Variants in ELP1 observed in about 807,000 individuals in gnomAD.
ELP1 encodes elongator acetyltransferase complex subunit 1.
A neutral mutation model predicts 183.2 loss-of-function variants in ELP1; 131 were observed. The observed-to-expected ratio is 0.72, with a 90% CI of 0.62 to 0.83. ELP1 has a LOEUF of 0.83. ELP1 is among the 40% of genes least tolerant of loss of function. The pLI is 0.00. For synonymous variants in ELP1, 555 were observed against 569.0 expected (o/e 0.98, Z 0.35); for missense variants, 1,550 against 1,594.9 (o/e 0.97, Z 0.48).
At chr9:108,926,967 A>G (rs1829842049) in intron 4 of ELP1, among the ~76,000 whole-genome samples, 1 of 152,236 alleles carries the variant, frequency 6.6e-6, no homozygotes, top group Non-Finnish European at 1.5e-5. Flanking sequence ...GGGGAAAAAC[A>G]GCAACAGAAC....
At position 108,901,497 on chromosome 9, in the gene ELP1, C is replaced by T. The variant is rs765342029; in HGVS notation, c.1942G>A (p.Asp648Asn). The change falls in exon 18 of 37, where the codon GAT becomes AAT. Residue 648 changes from aspartate to asparagine, a missense_variant. Coordinates refer to ENST00000374647, the MANE Select transcript of ELP1 (RefSeq NM_003640.5). ...TGGGTTGTCAACAATAAAAACTCAT[C>T]ATATACTGCAAATGACGTGATATTT... ...ASNITSFAVY[D>N]EFLLLTTHSH... 1 of 1,614,100 alleles carries T rather than the reference C, an allele frequency of 6.2e-7. No individual in the cohort carries two copies. Among genetic ancestry groups the T allele is most frequent in the Admixed American group, 1.7e-5 (1 of 60,024 alleles).
chr9:108,928,708 A>G (rs1391266942), intron 3 of ELP1, among the ~76,000 whole-genome samples: 1 of 152,174 alleles, frequency 6.6e-6, no homozygotes, highest in Non-Finnish European at 1.5e-5. Context: ...ATGAAGATAA[A>G]TAGACTGGAA....
intron 36 of ELP1, 141 bp downstream of exon 36, chr9:108,874,754 G>A: frequency 1.5e-6 from 1 of 678,660 alleles, no homozygotes; most frequent in Non-Finnish European, 2.7e-6. Flanking sequence ...TGCGGTCTTA[G>A]AATTGAGGAA....
chr9:108,898,116 G>A (rs1828626104), intron 22 of ELP1, among the ~76,000 whole-genome samples: 1 of 152,068 alleles, frequency 6.6e-6, no homozygotes, highest in Non-Finnish European at 1.5e-5. Flanking sequence ...ATCCAGGTGG[G>A]GTATATATAG....
intron 6 of ELP1, among the ~76,000 whole-genome samples, chr9:108,920,990 T>G (rs1829624548): frequency 6.6e-6 from 1 of 152,142 alleles, no homozygotes; most frequent in Non-Finnish European, 1.5e-5. Context: ...TATGGAAAAC[T>G]GCCTTATTTT....
intron 19 of ELP1, 132 bp from the exon 20 acceptor site, chr9:108,900,027 C>G (rs1828707430): frequency 1.2e-6 from 1 of 863,874 alleles, no homozygotes; most frequent in Non-Finnish European, 1.9e-6. Context: ...TTAGCAGAAT[C>G]TTGTTGTTCT....
At chr9:108,913,819 G>C (rs1187381078) in intron 10 of ELP1, among the ~76,000 whole-genome samples, 3 of 152,046 alleles carry the variant, frequency 2.0e-5, no homozygotes, top group Non-Finnish European at 2.9e-5. Flanking sequence ...ACTAATTTTT[G>C]CATTTTTAGT....
intron 6 of ELP1, among the ~76,000 whole-genome samples, chr9:108,921,822 G>T (rs562790704): frequency 6.6e-6 from 1 of 152,150 alleles, no homozygotes. Context: ...TAAAAACTAC[G>T]CTTTAAAAAG....
At chr9:108,910,882 A>C in intron 12 of ELP1, 128 bp downstream of exon 12, 1 of 747,630 alleles carries the variant, frequency 1.3e-6, no homozygotes, top group Non-Finnish European at 2.4e-6. Flanking sequence ...AATGATAATG[A>C]TATCAACTGC....
intron 36 of ELP1, among the ~76,000 whole-genome samples, chr9:108,869,581 GAT>G (rs1320371934): frequency 6.6e-6 from 1 of 152,118 alleles, no homozygotes; most frequent in Non-Finnish European, 1.5e-5. Context: ...AGCAAAATGT[GAT>G]AGCACATATT....
rs1266265071 is a variant in ELP1 at position 108,926,549 on chromosome 9, T to G, written c.440A>C (p.Gln147Pro). ...TTCACCAAAATCATCCTGATGGATC[T>G]GCTGCTCCAGGATTGGCTCAAAATC... ...TKDFEPILEQ[Q>P]IHQDDFGESK... is the part of the protein sequence containing the mutation. The change falls in exon 5 of 37, where the codon CAG (glutamine) becomes CCG (proline). Residue 147 changes from glutamine to proline, a missense_variant. Gln to Pro is a moderately conservative substitution (Grantham distance 76, BLOSUM62 -1). Coordinates refer to ENST00000374647, the MANE Select transcript of ELP1 (RefSeq NM_003640.5). 6.2e-7 allele frequency: 1 copy of G among 1,613,038 alleles called. No individual in the cohort carries two copies. Among genetic ancestry groups the G allele is most frequent in the Non-Finnish European group, 8.5e-7 (1 of 1,179,738 alleles).
Position 108,878,741 on chromosome 9 carries a change from G to C in ELP1, c.3582C>G (p.Ser1194=). 2 of 1,614,112 alleles carry C rather than the reference G, an allele frequency of 1.2e-6. No homozygotes were observed. The highest frequency in any genetic ancestry group is 2.7e-5 in the African/African-American group (2 of 75,040). The change falls in exon 34 of 37, where the codon TCC becomes TCG. Residue 1194 remains serine, a synonymous_variant. Transcript: ENST00000374647. Reference sequence around the variant, plus strand: ...TCCGCTCCGCTTTTCGGCGATTCTTGGATGATCTCCTGTTAGAAATTACAC... The same window carrying C: ...TCCGCTCCGCTTTTCGGCGATTCTTCGATGATCTCCTGTTAGAAATTACAC... ...HSNSRISARS[S]KNRRKAERKK... is the part of the protein sequence containing the mutation.
At chr9:108,928,645 T>C (rs1209258650) in intron 3 of ELP1, among the ~76,000 whole-genome samples, 1 of 152,154 alleles carries the variant, frequency 6.6e-6, no homozygotes, top group Admixed American at 6.5e-5. Flanking sequence ...AATAGTGGGC[T>C]CTACCTTTCA....
intron 1 of ELP1, among the ~76,000 whole-genome samples, chr9:108,932,017 G>C (rs974146756): frequency 2.6e-5 from 4 of 152,114 alleles, no homozygotes; most frequent in Non-Finnish European, 5.9e-5. Flanking sequence ...TCCCTTTAAG[G>C]CTTATGATTG....
intron 29 of ELP1, among the ~76,000 whole-genome samples, chr9:108,887,975 G>A (rs1828191623): frequency 1.3e-5 from 2 of 152,178 alleles, no homozygotes; most frequent in South Asian, 4.1e-4. Context: ...GCACTAGAAT[G>A]TTCATGGCTG....
intron 6 of ELP1, among the ~76,000 whole-genome samples, chr9:108,920,280 AT>A (rs34765805): frequency 0.021 from 2,801 of 132,322 alleles, 24 homozygotes; most frequent in Non-Finnish European, 0.026. Flanking sequence ...CTCTCACCCA[AT>A]TTTTTTTTTT....
intron 10 of ELP1, among the ~76,000 whole-genome samples, chr9:108,913,696 G>A (rs919098810): frequency 3.3e-5 from 5 of 152,032 alleles, no homozygotes; most frequent in African/African-American, 1.2e-4. Context: ...CACCCATGCT[G>A]GAGTGCAGTG....
intron 22 of ELP1, among the ~76,000 whole-genome samples, chr9:108,897,539 T>A (rs1042031651): frequency 6.6e-6 from 1 of 152,052 alleles, no homozygotes; most frequent in African/African-American, 2.4e-5. Context: ...AATAAGCAAA[T>A]AGTGGTGTAT....
chr9:108,875,435 C>T (rs534949945), intron 35 of ELP1, among the ~76,000 whole-genome samples: 12 of 152,272 alleles, frequency 7.9e-5, no homozygotes, highest in South Asian at 2.1e-4. Context: ...CACAAGACTC[C>T]GCAGGAATTT....
Sources: allele counts gnomAD v4.1 joint callset (sites outside exome capture counted in the v4.1 genomes callset), GRCh38; gene constraint gnomAD v4.1.1; transcripts MANE v1.5; gene names NCBI Gene and HGNC (gene_info 2026-07-23, HGNC 2026-07-21).